Variants in ATP7A observed in about 807,000 individuals in gnomAD.
ATP7A encodes copper-transporting ATPase 1.
In ATP7A, 7 loss-of-function variants were observed where a neutral mutation model predicts 83.5. The ratio of observed to expected loss-of-function variants is 0.08; its 90% CI spans 0.05 to 0.16. The LOEUF (loss-of-function observed/expected upper bound fraction) is 0.16. Among genes scored for constraint, ATP7A ranks in the 10% least tolerant of loss-of-function variants. The pLI is 1.00. For synonymous variants in ATP7A, 354 were observed against 395.2 expected, an observed-to-expected ratio of 0.90 and a Z score of 1.24; for missense variants, 940 against 1,120.8, an observed-to-expected ratio of 0.84 and a Z score of 2.30.
At chrX:78,026,756 T>C (rs1274220031) in intron 14 of ATP7A, among the ~76,000 whole-genome samples, 1 of 111,379 alleles carries the variant, frequency 9.0e-6, no homozygotes, top group African/African-American at 3.3e-5. Flanking sequence ...TCCAGTGGAA[T>C]AAAATTAGAA....
intron 1 of ATP7A, among the ~76,000 whole-genome samples, chrX:77,930,434 T>C (rs1274838861): frequency 8.9e-6 from 1 of 111,970 alleles, no homozygotes; most frequent in African/African-American, 3.3e-5. Flanking sequence ...AAATATACCT[T>C]GCTTTGCAGA....
chrX:77,925,437 C>T (rs2077236786), intron 1 of ATP7A, among the ~76,000 whole-genome samples: 1 of 111,040 alleles, frequency 9.0e-6, no homozygotes, highest in South Asian at 3.9e-4. Flanking sequence ...TAGTATAAAC[C>T]TACCTGGTAC....
chrX:77,913,233 C>A (rs1375325761), intron 1 of ATP7A, among the ~76,000 whole-genome samples: 1 of 111,767 alleles, frequency 8.9e-6, no homozygotes, highest in Non-Finnish European at 1.9e-5. Context: ...AAGTAAATTG[C>A]AAGGAGAGAT....
At chrX:77,963,940 A>G (rs1233322221) in intron 1 of ATP7A, 2 of 112,700 alleles carry the variant, frequency 1.8e-5, no homozygotes, top group African/African-American at 6.4e-5. Flanking sequence ...CTGTCTAGAA[A>G]GAACGAATTT....
intron 1 of ATP7A, among the ~76,000 whole-genome samples, chrX:77,927,802 C>T (rs781967505): frequency 3.6e-5 from 4 of 110,536 alleles, no homozygotes; most frequent in Non-Finnish European, 5.7e-5. Flanking sequence ...CAACAGGCCC[C>T]GGTGTGTGAT....
At chrX:77,976,079 A>G (rs1202707462) in intron 2 of ATP7A, 1 of 111,969 alleles carries the variant, frequency 8.9e-6, no homozygotes, top group East Asian at 2.8e-4. Context: ...TGACTAGTTG[A>G]GATCCACATG....
At chrX:78,005,889 G>A (rs905086451) in intron 6 of ATP7A, among the ~76,000 whole-genome samples, 5 of 110,136 alleles carry the variant, frequency 4.5e-5, no homozygotes, top group Non-Finnish European at 9.5e-5. Flanking sequence ...TCATATCATA[G>A]ATGAAGGTTA....
intron 5 of ATP7A, among the ~76,000 whole-genome samples, chrX:77,999,154 G>T (rs891299229): frequency 1.8e-5 from 2 of 108,983 alleles, no homozygotes; most frequent in Admixed American, 2.0e-4. Context: ...GCACCACCAC[G>T]CCCAGCTAAT....
rs1186800358 is a variant in ATP7A at position 78,020,975 on chromosome X, A to G, written c.2812A>G (p.Ser938Gly). 1 of 1,205,135 alleles carries G rather than the reference A, an allele frequency of 8.3e-7. No individual in the cohort carries two copies. Among genetic ancestry groups the G allele is most frequent in the African/African-American group, 1.8e-5 (1 of 57,062 alleles). The stretch of plus-strand genomic sequence containing the variant: ...TATCCAGCAGTTTGCAGACAAACTC[A>G]GTGGCTATTTTGTTCCTTTTATTGT... ...APIQQFADKL[S>G]GYFVPFIVFV... is the part of the protein sequence containing the mutation. The change falls in exon 14 of 23, where the codon AGT (serine) becomes GGT (glycine). Residue 938 changes from serine to glycine, a missense_variant. This residue lies in a region of ATP7A where 386 missense variants were observed against 502.2 expected (regional missense o/e 0.77). Transcript: ENST00000341514.
chrX:78,003,265 A>C, intron 6 of ATP7A, 29 bp downstream of exon 6: 1 of 1,178,434 alleles, frequency 8.5e-7, no homozygotes, highest in Non-Finnish European at 1.2e-6. Context: ...GTGATTAATA[A>C]AACTTCCAGA....
chrX:77,940,204 T>A (rs2077344156), intron 1 of ATP7A, among the ~76,000 whole-genome samples: 1 of 111,197 alleles, frequency 9.0e-6, no homozygotes, highest in Non-Finnish European at 1.9e-5. Context: ...GTTAAGAGGG[T>A]AACTCTCATG....
chrX:77,961,111 G>A (rs915556033), intron 1 of ATP7A, among the ~76,000 whole-genome samples: 2 of 111,480 alleles, frequency 1.8e-5, no homozygotes, highest in African/African-American at 6.5e-5. Flanking sequence ...AAACAATGCA[G>A]GTGAATTACG....
intron 16 of ATP7A, among the ~76,000 whole-genome samples, chrX:78,033,165 C>A (rs564939456): frequency 8.9e-6 from 1 of 111,884 alleles, no homozygotes; most frequent in Admixed American, 9.5e-5. Flanking sequence ...AGTGCAATAG[C>A]GCAATCTCAA....
At chrX:77,930,841 C>G (rs371586819) in intron 1 of ATP7A, among the ~76,000 whole-genome samples, 4 of 110,783 alleles carry the variant, frequency 3.6e-5, no homozygotes, top group South Asian at 7.7e-4. Context: ...AGGCAGCTCT[C>G]GACTTTAGAT....
chrX:77,971,225 T>C (rs2077544965), intron 1 of ATP7A, among the ~76,000 whole-genome samples: 1 of 111,862 alleles, frequency 8.9e-6, no homozygotes, highest in Non-Finnish European at 1.9e-5. Flanking sequence ...TGGGAAATCA[T>C]GTGGGACCTT....
chrX:78,003,372 G>A (rs1335237825), intron 6 of ATP7A, 136 bp downstream of exon 6: 18 of 614,982 alleles, frequency 2.9e-5, no homozygotes, highest in African/African-American at 2.5e-4. Flanking sequence ...GGAAGGATAA[G>A]GTATGATCTA....
At chrX:78,040,093 G>A (rs1282208371) in intron 18 of ATP7A, among the ~76,000 whole-genome samples, 1 of 110,610 alleles carries the variant, frequency 9.0e-6, no homozygotes, top group Non-Finnish European at 1.9e-5. Context: ...TTAGGTCTGG[G>A]AAGAAGCAGA....
intron 2 of ATP7A, among the ~76,000 whole-genome samples, chrX:77,981,285 A>G (rs1183723244): frequency 9.0e-6 from 1 of 111,314 alleles, no homozygotes; most frequent in Non-Finnish European, 1.9e-5. Flanking sequence ...TTAGTAGGTA[A>G]TAATCATTTA....
intron 1 of ATP7A, among the ~76,000 whole-genome samples, chrX:77,927,338 T>A (rs2077247275): frequency 8.9e-6 from 1 of 111,977 alleles, no homozygotes; most frequent in African/African-American, 3.2e-5. Flanking sequence ...CTCATGTGTA[T>A]ATATAAATTT....
Sources: allele counts gnomAD v4.1 joint callset (sites outside exome capture counted in the v4.1 genomes callset), GRCh38; gene constraint gnomAD v4.1.1; regional missense constraint gnomAD v4.1.1; transcripts MANE v1.5; gene names NCBI Gene and HGNC (gene_info 2026-07-23, HGNC 2026-07-21).